The following TUSC3 variants were observed in gnomAD, a reference collection of about 807,000 sequenced individuals.
The protein encoded by TUSC3 is dolichyl-diphosphooligosaccharide--protein glycosyltransferase subunit TUSC3.
TUSC3 carries 45 observed loss-of-function variants against 44.8 expected under a neutral mutation model. That is an observed-to-expected ratio of 1.00 (90% confidence interval 0.79 to 1.29). TUSC3 has a LOEUF of 1.29. Among genes scored for constraint, TUSC3 ranks in the 50% most tolerant of loss-of-function variants. The pLI, the probability that TUSC3 is intolerant of heterozygous loss-of-function variation, is 0.00. For missense variants in TUSC3, 519 were observed against 437.9 expected, an observed-to-expected ratio of 1.19 and a Z score of -1.65; for synonymous variants, 212 against 152.9, an observed-to-expected ratio of 1.39 and a Z score of -2.85.
intron 1 of TUSC3, among the ~76,000 whole-genome samples, chr8:15,590,106 G>A (rs1024050562): frequency 1.3e-5 from 2 of 152,292 alleles, no homozygotes; most frequent in East Asian, 1.9e-4. Context: ...GTCACAAATT[G>A]TATTGTAACA....
At chr8:15,785,961 T>C in the TUSC3 span, among the ~76,000 whole-genome samples, 1 of 152,190 alleles carries the variant, frequency 6.6e-6, no homozygotes, top group Non-Finnish European at 1.5e-5. Flanking sequence ...AATATTTAAA[T>C]GTATTATATG....
intron 8 of TUSC3, among the ~76,000 whole-genome samples, chr8:15,745,820 T>C (rs1185528490): frequency 4.6e-5 from 7 of 152,070 alleles, no homozygotes; most frequent in Non-Finnish European, 7.4e-5. Flanking sequence ...TTATTTGCAA[T>C]TGCCTTTGGA....
chr8:15,844,985 A>G, the TUSC3 span, among the ~76,000 whole-genome samples: 1 of 152,168 alleles, frequency 6.6e-6, no homozygotes, highest in Non-Finnish European at 1.5e-5. Context: ...AAGAAAACTT[A>G]AAAAAATACA....
intron 1 of TUSC3, among the ~76,000 whole-genome samples, chr8:15,581,803 C>A (rs1256458050): frequency 1.5e-5 from 2 of 133,976 alleles, no homozygotes; most frequent in Non-Finnish European, 3.1e-5. Flanking sequence ...GAGGTGGAGC[C>A]TACAGAGGCA....
At chr8:15,794,050 A>G in the TUSC3 span, among the ~76,000 whole-genome samples, 6 of 152,210 alleles carry the variant, frequency 3.9e-5, no homozygotes, top group Admixed American at 3.9e-4. Context: ...TGCCTGCCAT[A>G]TCCTGATGCT....
chr8:15,749,732 GTTTT>G (rs71211080), intron 9 of TUSC3, among the ~76,000 whole-genome samples: 9 of 140,386 alleles, frequency 6.4e-5, no homozygotes, highest in East Asian at 4.2e-4. Flanking sequence ...GAAAGATGAA[GTTTT>G]TTTTTTTTTT....
At chr8:15,602,128 C>A (rs1362530382) in intron 1 of TUSC3, among the ~76,000 whole-genome samples, 1 of 151,516 alleles carries the variant, frequency 6.6e-6, no homozygotes, top group African/African-American at 2.4e-5. Flanking sequence ...TAAGGATGCT[C>A]AGTCAGTAGC....
chr8:15,506,728 A>T (rs1399347845), intron 2 of TUSC3, among the ~76,000 whole-genome samples: 1 of 152,176 alleles, frequency 6.6e-6, no homozygotes. Flanking sequence ...CCCATGATTC[A>T]GTTACCTCCC....
At chr8:15,805,360 G>T in the TUSC3 span, among the ~76,000 whole-genome samples, 5 of 152,058 alleles carry the variant, frequency 3.3e-5, no homozygotes, top group Non-Finnish European at 5.9e-5. Context: ...AAGACTTCCA[G>T]TACTATGTTG....
At chr8:15,520,488 A>G (rs2129129294) in intron 2 of TUSC3, among the ~76,000 whole-genome samples, 1 of 152,316 alleles carries the variant, frequency 6.6e-6, no homozygotes, top group East Asian at 1.9e-4. Flanking sequence ...AGCTTCTGTT[A>G]TTTAAATGGC....
At chr8:15,825,122 T>A in the TUSC3 span, among the ~76,000 whole-genome samples, 1 of 152,306 alleles carries the variant, frequency 6.6e-6, no homozygotes, top group South Asian at 2.1e-4. Flanking sequence ...TGCCAGAAAT[T>A]ATGGTCAGTG....
chr8:15,722,057 T>C (rs1322096384), intron 6 of TUSC3, among the ~76,000 whole-genome samples: 1 of 152,050 alleles, frequency 6.6e-6, no homozygotes, highest in Non-Finnish European at 1.5e-5. Flanking sequence ...TGAAACACAA[T>C]TGATTCCCAT....
intron 1 of TUSC3, among the ~76,000 whole-genome samples, chr8:15,542,569 G>A (rs12676258): frequency 0.2 from 30,027 of 151,062 alleles, 2,995 homozygotes; most frequent in East Asian, 0.32. Context: ...GTTTACAAGG[G>A]GAAAAAAAAA....
At chr8:15,445,966 C>T (rs1466557938) in intron 1 of TUSC3, among the ~76,000 whole-genome samples, 11 of 147,954 alleles carry the variant, frequency 7.4e-5, no homozygotes, top group African/African-American at 2.8e-4. Context: ...CCCCACCTCG[C>T]GGATGGGGCA....
At chr8:15,634,604 T>C (rs1202410649) in intron 2 of TUSC3, among the ~76,000 whole-genome samples, 1 of 152,192 alleles carries the variant, frequency 6.6e-6, no homozygotes, top group African/African-American at 2.4e-5. Context: ...GATCCAGCAG[T>C]TGATGGTTTC....
chr8:15,753,321 A>G (rs973301147), intron 9 of TUSC3, among the ~76,000 whole-genome samples: 4 of 152,006 alleles, frequency 2.6e-5, no homozygotes, highest in African/African-American at 9.7e-5. Flanking sequence ...TCGTTTTCCT[A>G]CATTCTATGG....
chr8:15,689,863 T>TGTAA (rs1554475557), intron 6 of TUSC3, among the ~76,000 whole-genome samples: 1,980 of 14,714 alleles, frequency 0.13, 50 homozygotes, highest in African/African-American at 0.21. Context: ...TGTGTGTGTG[T>TGTAA]ATAAATATAT....
chr8:15,720,919 G>C (rs946412880), intron 6 of TUSC3, among the ~76,000 whole-genome samples: 13 of 152,062 alleles, frequency 8.5e-5, no homozygotes, highest in African/African-American at 3.1e-4. Flanking sequence ...GCCACCCAGG[G>C]TTCTTGTCAT....
intron 5 of TUSC3, among the ~76,000 whole-genome samples, chr8:15,668,346 T>A (rs1807773658): frequency 6.6e-6 from 1 of 151,768 alleles, no homozygotes; most frequent in South Asian, 2.1e-4. Flanking sequence ...TATTGATCAG[T>A]CTTAGAATAG....
Sources: allele counts gnomAD v4.1 joint callset (sites outside exome capture counted in the v4.1 genomes callset), GRCh38; gene constraint gnomAD v4.1.1; transcripts MANE v1.5; gene names NCBI Gene and HGNC (gene_info 2026-07-23, HGNC 2026-07-21).